The following ATP6V1H variants were observed in gnomAD, a reference collection of about 807,000 sequenced individuals.
ATP6V1H encodes the protein ATPase H+ transporting V1 subunit H, also known as V-type proton ATPase subunit H.
In ATP6V1H, 39 loss-of-function variants were observed where a neutral mutation model predicts 71.7. The observed-to-expected ratio is 0.54, with a 90% CI of 0.42 to 0.71. The LOEUF (loss-of-function observed/expected upper bound fraction) is 0.71. ATP6V1H is among the 30% of genes least tolerant of loss of function. The pLI, the probability that ATP6V1H is intolerant of heterozygous loss-of-function variation, is 0.00. For missense variants in ATP6V1H, 509 were observed against 594.9 expected (o/e 0.86, Z 1.50); for synonymous variants, 192 against 199.3 (o/e 0.96, Z 0.31).
chr8:53,779,386 AT>A (rs1200929184), intron 9 of ATP6V1H, among the ~76,000 whole-genome samples: 1 of 151,916 alleles, frequency 6.6e-6, no homozygotes, highest in East Asian at 1.9e-4. Flanking sequence ...TCTAATTTCT[AT>A]TTGGAAATTT....
At chr8:53,820,277 G>A (rs190592149) in intron 4 of ATP6V1H, among the ~76,000 whole-genome samples, 4 of 151,346 alleles carry the variant, frequency 2.6e-5, no homozygotes, top group Admixed American at 2.6e-4. Context: ...ATTTTTGAGA[G>A]ATAATAAGGT....
At chr8:53,786,017 C>T (rs1809371170) in intron 9 of ATP6V1H, among the ~76,000 whole-genome samples, 1 of 152,234 alleles carries the variant, frequency 6.6e-6, no homozygotes, top group Non-Finnish European at 1.5e-5. Context: ...TCTGCCCATT[C>T]TCAGATCTCA....
At chr8:53,808,153 T>C (rs1453853921) in intron 7 of ATP6V1H, among the ~76,000 whole-genome samples, 1 of 152,220 alleles carries the variant, frequency 6.6e-6, no homozygotes, top group East Asian at 1.9e-4. Context: ...TGAATCGTTC[T>C]CTTGCCTATG....
At chr8:53,746,482 C>T (rs928451454) in intron 12 of ATP6V1H, among the ~76,000 whole-genome samples, 6 of 152,110 alleles carry the variant, frequency 3.9e-5, no homozygotes, top group Non-Finnish European at 7.4e-5. Flanking sequence ...CCAGGCTGGT[C>T]TCAAACTCCT....
intron 13 of ATP6V1H, among the ~76,000 whole-genome samples, chr8:53,731,875 C>T (rs183563423): frequency 1.3e-5 from 2 of 152,370 alleles, no homozygotes; most frequent in East Asian, 1.9e-4. Flanking sequence ...ATCCTGAGAG[C>T]GCTCCGGGGT....
chr8:53,730,883 C>G (rs190518640), intron 13 of ATP6V1H, among the ~76,000 whole-genome samples: 1 of 152,278 alleles, frequency 6.6e-6, no homozygotes, highest in East Asian at 1.9e-4. Context: ...ATGAAGGGCT[C>G]TGGCTCTTTC....
intron 8 of ATP6V1H, among the ~76,000 whole-genome samples, chr8:53,800,974 G>A (rs542544841): frequency 6.6e-6 from 1 of 152,262 alleles, no homozygotes; most frequent in South Asian, 2.1e-4. Flanking sequence ...AAAATAATTA[G>A]TAACTTACTG....
chr8:53,794,232 A>G (rs1250205778), intron 9 of ATP6V1H, among the ~76,000 whole-genome samples: 1 of 152,248 alleles, frequency 6.6e-6, no homozygotes, highest in Non-Finnish European at 1.5e-5. Context: ...TTATTTTTAA[A>G]TACAAAACAA....
At chr8:53,775,019 G>C (rs953314959) in intron 9 of ATP6V1H, among the ~76,000 whole-genome samples, 5 of 152,300 alleles carry the variant, frequency 3.3e-5, no homozygotes, top group African/African-American at 1.2e-4. Context: ...ATGAAGCCGC[G>C]GACCCTCGCG....
intron 9 of ATP6V1H, among the ~76,000 whole-genome samples, chr8:53,779,514 T>C (rs887651740): frequency 6.0e-5 from 9 of 150,460 alleles, no homozygotes; most frequent in Admixed American, 2.7e-4. Context: ...TAGGACATAC[T>C]AGATATCACA....
rs1057072863 is a variant in ATP6V1H at position 53,802,334 on chromosome 8, G to A, written c.580-438C>T. 3.3e-5 allele frequency among the ~76,000 whole-genome samples: 5 copies of A among 152,146 alleles called. No individual in the cohort carries two copies. In the South Asian group the frequency reaches 6.2e-4, roughly 19 times the overall value. On this transcript the variant is annotated intron_variant, in intron 7 of 13. Transcript: ENST00000359530. ...AAGATAGGCCTATATGTAAATGACCGTGGACAAGTTCCTGAACTTTTTCAA... is the reference window on the plus strand; with the variant it reads ...AAGATAGGCCTATATGTAAATGACCATGGACAAGTTCCTGAACTTTTTCAA...
intron 4 of ATP6V1H, among the ~76,000 whole-genome samples, chr8:53,825,109 A>G (rs962365329): frequency 6.6e-6 from 1 of 152,212 alleles, no homozygotes; most frequent in African/African-American, 2.4e-5. Flanking sequence ...AGACGCAGAC[A>G]CACCTAACAA....
intron 3 of ATP6V1H, among the ~76,000 whole-genome samples, chr8:53,831,299 ACAC>A (rs1810998189): frequency 6.6e-6 from 1 of 152,214 alleles, no homozygotes; most frequent in Non-Finnish European, 1.5e-5. Context: ...CTATGGCTCC[ACAC>A]CTGTACAGTC....
intron 5 of ATP6V1H, among the ~76,000 whole-genome samples, chr8:53,816,699 G>A (rs1016213338): frequency 6.6e-6 from 1 of 152,162 alleles, no homozygotes; most frequent in African/African-American, 2.4e-5. Context: ...AGGAGGCTGA[G>A]GCAGGAGAAT....
At chr8:53,820,702 C>T (rs1810622655) in intron 4 of ATP6V1H, among the ~76,000 whole-genome samples, 1 of 150,708 alleles carries the variant, frequency 6.6e-6, no homozygotes, top group Non-Finnish European at 1.5e-5. Flanking sequence ...ACAAAAGAGG[C>T]CAGGTGCAGT....
At chr8:53,745,347 A>G (rs1181574776) in intron 12 of ATP6V1H, among the ~76,000 whole-genome samples, 1 of 152,138 alleles carries the variant, frequency 6.6e-6, no homozygotes, top group Non-Finnish European at 1.5e-5. Context: ...ACAGTGAGCT[A>G]TGATTGCACC....
At chr8:53,825,798 C>T (rs1350470696) in intron 4 of ATP6V1H, among the ~76,000 whole-genome samples, 2 of 151,804 alleles carry the variant, frequency 1.3e-5, no homozygotes, top group African/African-American at 4.8e-5. Flanking sequence ...TATACAAGCA[C>T]TAGAAAAAAA....
At chr8:53,811,528 T>G (rs1471314038) in intron 6 of ATP6V1H, among the ~76,000 whole-genome samples, 1 of 152,222 alleles carries the variant, frequency 6.6e-6, no homozygotes, top group African/African-American at 2.4e-5. Flanking sequence ...TAAGATTTAC[T>G]TACTGAATTG....
chr8:53,746,160 C>G (rs560050471), intron 12 of ATP6V1H, among the ~76,000 whole-genome samples: 2 of 152,290 alleles, frequency 1.3e-5, no homozygotes, highest in South Asian at 4.2e-4. Context: ...ACAAATAATA[C>G]TGCCTAGCAA....
Sources: gnomAD v4.1 joint callset for allele counts (sites outside exome capture counted in the v4.1 genomes callset) on GRCh38, gnomAD v4.1.1 for gene constraint, MANE v1.5 for transcripts, NCBI Gene and HGNC (gene_info 2026-07-23, HGNC 2026-07-21) for gene names.